The following ALX3 variants were observed in gnomAD, a reference collection of about 807,000 sequenced individuals.
The protein encoded by ALX3 is homeobox protein aristaless-like 3.
Under a neutral mutation model 26.3 loss-of-function variants are expected in ALX3, and 17 were observed. The ratio of observed to expected loss-of-function variants is 0.65; its 90% CI spans 0.44 to 0.97. The LOEUF (loss-of-function observed/expected upper bound fraction) is 0.97. ALX3 is among the 50% of genes least tolerant of loss of function. The probability of loss-of-function intolerance (pLI) is 0.00; values close to 1 mark genes in which losing one functional copy is unlikely to be tolerated. For synonymous variants in ALX3, 208 were observed against 201.4 expected (o/e 1.03, Z -0.28); for missense variants, 461 against 466.5 (o/e 0.99, Z 0.11).
Position 110,061,051 on chromosome 1 carries a change from GA to G in ALX3, c.724-11del. On this transcript the variant is annotated splice_polypyrimidine_tract_variant and intron_variant, in intron 3 of 3. Coordinates refer to ENST00000647563, the MANE Select transcript of ALX3 (RefSeq NM_006492.3). ...ACAGGGAGTTCTGCAGCTGAAAAGAGAGGGAAAGAAGGCCCATGAGCCTGTA... is the reference window on the plus strand; with the variant it reads ...ACAGGGAGTTCTGCAGCTGAAAAGAGGGGAAAGAAGGCCCATGAGCCTGTA... The G allele has an allele frequency of 6.2e-7, 1 of 1,601,166 alleles. No individual in the cohort carries two copies. The highest frequency in any genetic ancestry group is 8.5e-7 in the Non-Finnish European group (1 of 1,174,848).
chr1:110,060,938 T>A lies in ALX3; in HGVS notation c.827A>T (p.His276Leu). 6.2e-7 allele frequency: 1 copy of A among 1,610,692 alleles called. No individual in the cohort carries two copies. ...GAAGCCAGCCACACTCCCATGGGGG[T>A]GGGAATATGGAGACATGCATGGGGA... ...IPSPCMSPYSHPHGSVAGFMG... is the reference protein window; with the variant it reads ...IPSPCMSPYSLPHGSVAGFMG... Residue 276 changes from histidine to leucine, a missense_variant, in exon 4 of 4, where the codon CAC becomes CTC. Physicochemically the swap from His to Leu is moderately conservative, Grantham distance 99. Transcript: ENST00000647563.
intron 2 of ALX3, chr1:110,061,826 C>G (rs1653655191): frequency 1.9e-6 from 1 of 536,994 alleles, no homozygotes; most frequent in Admixed American, 3.2e-5. Flanking sequence ...GTCCTCCAGC[C>G]TGGCTGTGTC....
chr1:110,061,082 C>G, intron 3 of ALX3, 41 bp from the exon 4 acceptor site: 1 of 1,567,792 alleles, frequency 6.4e-7, no homozygotes, highest in Non-Finnish European at 8.6e-7. Context: ...CCTGTAGCCT[C>G]AGGAGCTGAC....
intron 3 of ALX3, 191 bp from the exon 4 acceptor site, chr1:110,061,232 C>T (rs765341036): frequency 2.9e-4 from 322 of 1,094,678 alleles, no homozygotes; most frequent in Non-Finnish European, 3.2e-4. Flanking sequence ...GTTCTCAAAA[C>T]GAAATTTTCT....
Position 110,070,641 on chromosome 1 carries a change from G to A in ALX3, c.-29C>T. 4.2e-6 allele frequency: 5 copies of A among 1,203,616 alleles called. No homozygotes were observed. Among genetic ancestry groups the A allele is most frequent in the Non-Finnish European group, 5.2e-6 (5 of 970,866 alleles). The allele number at this position is 1,203,616 out of a possible 1,614,324, so 74.6% of individuals were successfully genotyped here. ...GGCTCAGGGCGCACAGGCCTCCGGG[G>A]CTCCGGGGCTCGCGCTGCCCGCGCC... is the stretch of plus-strand genomic sequence containing the variant. On this transcript the variant is annotated 5_prime_UTR_variant, in exon 1 of 4. Coordinates refer to ENST00000647563, the MANE Select transcript of ALX3 (RefSeq NM_006492.3).
Position 110,061,324 on chromosome 1 carries a change from G to A in ALX3, c.723+111C>T, listed in dbSNP as rs1427801707. ...TTTGCAGAGAAAGAAGTGAAGTGGTGTACCCACTGTCATACAGAACGCTGA... is the reference window on the plus strand; with the variant it reads ...TTTGCAGAGAAAGAAGTGAAGTGGTATACCCACTGTCATACAGAACGCTGA... On this transcript the variant is annotated intron_variant, in intron 3 of 3. Transcript: ENST00000647563. The A allele has an allele frequency of 9.3e-6, 14 of 1,505,862 alleles. No individual in the cohort carries two copies. The East Asian group carries it at 1.8e-4, about 20-fold the overall frequency. The allele number at this position is 1,505,862 out of a possible 1,614,324, so 93.3% of individuals were successfully genotyped here. A position where few individuals can be genotyped will look rare whatever the true frequency, so the allele number is the denominator to read the frequency against.
intron 3 of ALX3, 96 bp from the exon 4 acceptor site, chr1:110,061,137 C>T: frequency 7.1e-7 from 1 of 1,405,782 alleles, no homozygotes; most frequent in South Asian, 1.2e-5. Context: ...GCCCCAGAAA[C>T]TTTCCAGGAA....
At position 110,070,606 on chromosome 1, in the gene ALX3, G is replaced by A; in HGVS notation, c.7C>T (p.Pro3Ser). 1 of 1,244,970 alleles carries A rather than the reference G, an allele frequency of 8.0e-7. No individual in the cohort carries two copies. The highest frequency in any genetic ancestry group is 1.0e-6 in the Non-Finnish European group (1 of 993,974). The allele number at this position is 1,244,970 out of a possible 1,614,324, so 77.1% of individuals were successfully genotyped here. Residue 3 changes from proline (P) to serine (S), a missense_variant, in exon 1 of 4, where the codon CCC becomes TCC. By Grantham distance (74) the Pro-to-Ser change is moderately conservative. This residue lies in a region of ALX3 where 241 missense variants were observed against 206.1 expected (regional missense o/e 1.17). Transcript: ENST00000647563. MD[P>S]EHCAPFRVGP... The stretch of plus-strand genomic sequence containing the variant: ...ACGCGGAAAGGCGCGCAGTGCTCGG[G>A]GTCCATGCCGGCTCAGGGCGCACAG...
chr1:110,061,482 C>T lies in ALX3; in HGVS notation c.676G>A (p.Ala226Thr). 2 of 1,614,222 alleles carry T rather than the reference C, an allele frequency of 1.2e-6. No homozygotes were observed. Among genetic ancestry groups the T allele is most frequent in the East Asian group, 4.5e-5 (2 of 44,872 alleles). The change falls in exon 3 of 4, where the codon GCT becomes ACT. Residue 226 changes from alanine (A) to threonine (T), a missense_variant. Ala to Thr is a moderately conservative substitution (Grantham distance 58). Coordinates refer to ENST00000647563, the MANE Select transcript of ALX3 (RefSeq NM_006492.3). ...KIQEGRNPFT[A>T]AYDISVLPRT... ...GGCAGCACAGAGATGTCATAGGCAGCCGTGAAGGGGTTCCGCCCCTCCTGG... is the reference window on the plus strand; with the variant it reads ...GGCAGCACAGAGATGTCATAGGCAGTCGTGAAGGGGTTCCGCCCCTCCTGG...
intron 2 of ALX3, among the ~76,000 whole-genome samples, chr1:110,064,069 G>A (rs946200554): frequency 1.3e-4 from 20 of 152,016 alleles, no homozygotes; most frequent in Non-Finnish European, 2.6e-4. Flanking sequence ...AGGGACCCAA[G>A]GTCGGTGGCT....
At position 110,070,382 on chromosome 1, in the gene ALX3, G is replaced by C. The variant is rs1021832727; in HGVS notation, c.231C>G (p.Pro77=). 8.6e-6 allele frequency: 11 copies of C among 1,286,470 alleles called. No individual in the cohort carries two copies. Among genetic ancestry groups the C allele is most frequent in the Non-Finnish European group, 1.1e-5 (11 of 1,017,332 alleles). 79.7% of individuals were successfully genotyped at this position (1,286,470 alleles called of 1,614,324 possible). The change falls in exon 1 of 4, where the codon CCC becomes CCG. Residue 77 remains proline (P), a synonymous_variant. Coordinates refer to ENST00000647563, the MANE Select transcript of ALX3 (RefSeq NM_006492.3). ...AGTGGCCGCCGTTGAGGGCCGGGCC[G>C]GGCCCGAGGTCCTGCAGGTACTTGG... ...PPAKYLQDLG[P]GPALNGGHFY... is the part of the protein sequence containing the mutation.
rs71580517 is a variant in ALX3, at chr1:110,066,572, T to TCCCCCCCCCCCCCCC, written c.278-1670_278-1669insGGGGGGGGGGGGGGG. Among the ~76,000 whole-genome samples, 18 of 72,604 alleles carry TCCCCCCCCCCCCCCC rather than the reference T, an allele frequency of 2.5e-4. 1 individual carries two copies. Among genetic ancestry groups the TCCCCCCCCCCCCCCC allele is most frequent in the African/African-American group, 3.8e-4 (7 of 18,388 alleles). The allele number at this position is 72,604 out of a possible 152,430, so 47.6% of individuals were successfully genotyped here. A position where few individuals can be genotyped will look rare whatever the true frequency, so the allele number is the denominator to read the frequency against. On this transcript the variant is annotated intron_variant, in intron 1 of 3. Coordinates refer to ENST00000647563, the MANE Select transcript of ALX3 (RefSeq NM_006492.3). ...AGACTAGGGACACTGGAATGGGACATCCCCCCCCCCCGCCCCCGCCACCCC... is the reference window on the plus strand; with the variant it reads ...AGACTAGGGACACTGGAATGGGACATCCCCCCCCCCCCCCCCCCCCCCCCCCGCCCCCGCCACCCC...
At chr1:110,069,455 C>G (rs1653867651) in intron 1 of ALX3, among the ~76,000 whole-genome samples, 1 of 152,202 alleles carries the variant, frequency 6.6e-6, no homozygotes, top group Non-Finnish European at 1.5e-5. Context: ...GTGCGGCGGA[C>G]GGCCGCAGAG....
chr1:110,061,650 C>T, intron 2 of ALX3, 87 bp from the exon 3 acceptor site: 1 of 1,569,464 alleles, frequency 6.4e-7, no homozygotes, highest in Non-Finnish European at 8.7e-7. Flanking sequence ...GTTGTGTCCT[C>T]TTGTGGGATG....
chr1:110,069,303 A>G (rs1653864110), intron 1 of ALX3, among the ~76,000 whole-genome samples: 1 of 152,240 alleles, frequency 6.6e-6, no homozygotes. Flanking sequence ...CACTCCGTGG[A>G]GGCCCGCGAG....
rs1264268991 is a variant in ALX3, at chr1:110,060,722, C to G, written c.*11G>C. 1 of 1,415,860 alleles carries G rather than the reference C, an allele frequency of 7.1e-7. No homozygotes were observed. The highest frequency in any genetic ancestry group is 1.8e-5 in the South Asian group (1 of 55,806). 87.7% of individuals were successfully genotyped at this position (1,415,860 alleles called of 1,614,324 possible). A position where few individuals can be genotyped will look rare whatever the true frequency, so the allele number is the denominator to read the frequency against. The stretch of plus-strand genomic sequence containing the variant: ...AGGTGGGCAGCTCATTCTGCAGGTC[C>G]ATGCAACCGATCACGTGGTCCAGTT... On this transcript the variant is annotated 3_prime_UTR_variant, in exon 4 of 4. Transcript: ENST00000647563.
intron 2 of ALX3, among the ~76,000 whole-genome samples, chr1:110,063,130 G>A (rs1179455914): frequency 1.3e-5 from 2 of 152,156 alleles, no homozygotes; most frequent in Non-Finnish European, 2.9e-5. Context: ...AGGGCCTCAT[G>A]GCTACTCCTG....
intron 1 of ALX3, among the ~76,000 whole-genome samples, chr1:110,067,611 T>C (rs1653819872): frequency 6.6e-6 from 1 of 152,110 alleles, no homozygotes; most frequent in Admixed American, 6.5e-5. Flanking sequence ...GCCCGAGTGC[T>C]CCACTGTCCC....
Position 110,060,493 on chromosome 1 carries a change from GGTGAGGGGACTCAGTTTGT to G in ALX3, c.*221_*239del. On this transcript the variant is annotated 3_prime_UTR_variant, in exon 4 of 4. Coordinates refer to ENST00000647563, the MANE Select transcript of ALX3 (RefSeq NM_006492.3). Reference sequence around the variant, plus strand: ...CTCCCTGCCTCCAGCCCAGAGTTCAGGTGAGGGGACTCAGTTTGTGGTAGGAAGAGTCCTGGCTGCTTCG... The same window carrying G: ...CTCCCTGCCTCCAGCCCAGAGTTCAGGGTAGGAAGAGTCCTGGCTGCTTCG... 3 of 370,908 alleles carry G rather than the reference GGTGAGGGGACTCAGTTTGT, an allele frequency of 8.1e-6. No individual in the cohort carries two copies. The highest frequency in any genetic ancestry group is 1.5e-5 in the Non-Finnish European group (3 of 206,368). The allele number at this position is 370,908 out of a possible 1,614,324, so 23.0% of individuals were successfully genotyped here. A position where few individuals can be genotyped will look rare whatever the true frequency, so the allele number is the denominator to read the frequency against.
Sources: allele counts gnomAD v4.1 joint callset (sites outside exome capture counted in the v4.1 genomes callset), GRCh38; gene constraint gnomAD v4.1.1; regional missense constraint gnomAD v4.1.1; transcripts MANE v1.5; gene names NCBI Gene and HGNC (gene_info 2026-07-23, HGNC 2026-07-21).